The following FCHSD2 variants were observed in gnomAD, a reference collection of about 807,000 sequenced individuals.
The protein encoded by FCHSD2 is FCH and double SH3 domains 2.
In FCHSD2, 38 loss-of-function variants were observed where a neutral mutation model predicts 108.1. The ratio of observed to expected loss-of-function variants is 0.35; its 90% CI spans 0.27 to 0.46. The LOEUF (loss-of-function observed/expected upper bound fraction) is 0.46. FCHSD2 is among the 20% of genes least tolerant of loss of function. FCHSD2 has a pLI of 1.00. For missense variants in FCHSD2, 751 were observed against 897.8 expected, an observed-to-expected ratio of 0.84 and a Z score of 2.09; for synonymous variants, 279 against 314.7, an observed-to-expected ratio of 0.89 and a Z score of 1.20.
At position 72,982,897 on chromosome 11, in the gene FCHSD2, A is replaced by G. The variant is rs148095650; in HGVS notation, c.705+1191T>C. ...AAAAAATAGCCAAGCACAATGGCTC[A>G]CACCTGTAATCCCAGCATTTTGGGA... On this transcript the variant is annotated intron_variant, in intron 8 of 19. Coordinates refer to ENST00000409418, the MANE Select transcript of FCHSD2 (RefSeq NM_014824.3). Among the ~76,000 whole-genome samples the G allele has an allele frequency of 9.1e-3, 1,381 of 152,324 alleles. 22 individuals carry two copies. The highest frequency in any genetic ancestry group is 0.03 in the African/African-American group (1,259 of 41,590).
Position 72,981,871 on chromosome 11 carries a change from C to T in FCHSD2, c.705+2217G>A, listed in dbSNP as rs950361296. On this transcript the variant is annotated intron_variant, in intron 8 of 19. Coordinates refer to ENST00000409418, the MANE Select transcript of FCHSD2 (RefSeq NM_014824.3). ...TGGCAGGCACCTGTGGTCCTAGCTACATGGGAGGCTGAGGCAAGAGGATCC... is the reference window on the plus strand; with the variant it reads ...TGGCAGGCACCTGTGGTCCTAGCTATATGGGAGGCTGAGGCAAGAGGATCC... 3.3e-5 allele frequency among the ~76,000 whole-genome samples: 5 copies of T among 152,296 alleles called. No homozygotes were observed. In the South Asian group the frequency reaches 1.0e-3, roughly 32 times the overall value.
intron 13 of FCHSD2, among the ~76,000 whole-genome samples, chr11:72,855,475 CA>C (rs369816755): frequency 3.0e-4 from 43 of 145,306 alleles, no homozygotes; most frequent in Middle Eastern, 6.9e-3. Flanking sequence ...GACTCCATCT[CA>C]AAAAAAAAAG....
At chr11:73,099,667 C>T (rs568824813) in intron 2 of FCHSD2, among the ~76,000 whole-genome samples, 114 of 152,324 alleles carry the variant, frequency 7.5e-4, no homozygotes, top group African/African-American at 2.6e-3. Flanking sequence ...AGCAGTCAGG[C>T]GTTAGGCTTA....
At chr11:73,111,920 G>T (rs1356004597) in intron 2 of FCHSD2, among the ~76,000 whole-genome samples, 1 of 151,930 alleles carries the variant, frequency 6.6e-6, no homozygotes. Flanking sequence ...TTAACTTTTG[G>T]TTGTTACTAT....
chr11:73,105,661 C>G (rs1393879686), intron 2 of FCHSD2, among the ~76,000 whole-genome samples: 1 of 152,046 alleles, frequency 6.6e-6, no homozygotes, highest in Admixed American at 6.5e-5. Flanking sequence ...ATAAAGAACT[C>G]AATAAATATT....
chr11:73,033,996 A>G (rs1236979339), intron 3 of FCHSD2, among the ~76,000 whole-genome samples: 1 of 152,106 alleles, frequency 6.6e-6, no homozygotes, highest in South Asian at 2.1e-4. Flanking sequence ...TGAAAATATA[A>G]TAGACAATTT....
chr11:73,005,570 C>T (rs1178039873), intron 4 of FCHSD2, among the ~76,000 whole-genome samples: 1 of 152,238 alleles, frequency 6.6e-6, no homozygotes, highest in Non-Finnish European at 1.5e-5. Context: ...GCCCTCAAGT[C>T]AGACCCCAGG....
chr11:73,049,910 A>G (rs984064020), intron 3 of FCHSD2, among the ~76,000 whole-genome samples: 1 of 152,194 alleles, frequency 6.6e-6, no homozygotes, highest in Non-Finnish European at 1.5e-5. Flanking sequence ...AAAGTCTATC[A>G]TGTGTACAAG....
chr11:72,902,739 G>C (rs1855552256), intron 9 of FCHSD2, 101 bp from the exon 10 acceptor site: 1 of 663,676 alleles, frequency 1.5e-6, no homozygotes, highest in Admixed American at 3.2e-5. Context: ...ATACAAATGA[G>C]AAATCATCCA....
At chr11:72,986,855 T>C (rs560770261) in intron 6 of FCHSD2, among the ~76,000 whole-genome samples, 4 of 152,280 alleles carry the variant, frequency 2.6e-5, no homozygotes, top group African/African-American at 4.8e-5. Flanking sequence ...ACTACACAAA[T>C]AATGAACTAT....
At chr11:73,028,499 G>A (rs1858281434) in intron 3 of FCHSD2, among the ~76,000 whole-genome samples, 1 of 152,102 alleles carries the variant, frequency 6.6e-6, no homozygotes, top group African/African-American at 2.4e-5. Flanking sequence ...GATTTTACAG[G>A]CTCACAGGCA....
intron 14 of FCHSD2, among the ~76,000 whole-genome samples, chr11:72,844,152 T>C (rs1451674362): frequency 6.6e-6 from 1 of 152,140 alleles, no homozygotes; most frequent in East Asian, 1.9e-4. Flanking sequence ...TGTGAGTCAA[T>C]GTGGGATGGA....
intron 2 of FCHSD2, among the ~76,000 whole-genome samples, chr11:73,113,260 G>A (rs537580103): frequency 6.7e-6 from 1 of 149,180 alleles, no homozygotes; most frequent in East Asian, 2.0e-4. Context: ...TAGCTATTTC[G>A]AATTATCTGT....
chr11:72,958,677 A>T (rs1856761848), intron 8 of FCHSD2, among the ~76,000 whole-genome samples: 1 of 152,212 alleles, frequency 6.6e-6, no homozygotes, highest in South Asian at 2.1e-4. Flanking sequence ...TCCTTTTATT[A>T]AAAATCTACC....
At chr11:72,912,337 AG>A (rs778079467) in intron 9 of FCHSD2, among the ~76,000 whole-genome samples, 89 of 152,118 alleles carry the variant, frequency 5.9e-4, no homozygotes, top group Non-Finnish European at 1.1e-3. Context: ...CAGTTTATTG[AG>A]GGGTTTTATC....
chr11:73,022,990 A>T, intron 3 of FCHSD2, among the ~76,000 whole-genome samples: 1 of 152,226 alleles, frequency 6.6e-6, no homozygotes, highest in South Asian at 2.1e-4. Context: ...GAATGACCAT[A>T]AACAACAACA....
At chr11:72,838,917 C>G (rs745310383) in intron 19 of FCHSD2, 43 bp from the exon 20 acceptor site, 5 of 1,545,344 alleles carry the variant, frequency 3.2e-6, no homozygotes, top group Non-Finnish European at 4.4e-6. Context: ...CAGTTCCTGA[C>G]TCAGTATCTG....
At position 72,930,133 on chromosome 11, in the gene FCHSD2, G is replaced by A. The variant is rs147950266; in HGVS notation, c.706-8183C>T. Reference sequence around the variant, plus strand: ...GTCATATCCAACTAAATCAATTGAGGGGCCAGGAGGAAAAAGCACTTAGGG... The same window carrying A: ...GTCATATCCAACTAAATCAATTGAGAGGCCAGGAGGAAAAAGCACTTAGGG... On this transcript the variant is annotated intron_variant, in intron 8 of 19. Coordinates refer to ENST00000409418, the MANE Select transcript of FCHSD2 (RefSeq NM_014824.3). Among the ~76,000 whole-genome samples the A allele has an allele frequency of 8.6e-4, 131 of 152,254 alleles. No homozygotes were observed. The Middle Eastern group carries it at 0.014, about 16-fold the overall frequency.
At chr11:72,856,593 C>A (rs950396709) in intron 13 of FCHSD2, among the ~76,000 whole-genome samples, 1 of 152,128 alleles carries the variant, frequency 6.6e-6, no homozygotes, top group Non-Finnish European at 1.5e-5. Flanking sequence ...TTATTGCCAC[C>A]ATTTCAAAGC....
Sources: allele counts gnomAD v4.1 joint callset (sites outside exome capture counted in the v4.1 genomes callset), GRCh38; gene constraint gnomAD v4.1.1; transcripts MANE v1.5; gene names NCBI Gene and HGNC (gene_info 2026-07-23, HGNC 2026-07-21).